The following MAGI2 variants were observed in gnomAD, a reference collection of about 807,000 sequenced individuals.
MAGI2 encodes the protein membrane associated guanylate kinase, WW and PDZ domain containing 2, also known as membrane-associated guanylate kinase, WW and PDZ domain-containing protein 2.
A neutral mutation model predicts 133.3 loss-of-function variants in MAGI2; 35 were observed. The observed-to-expected ratio is 0.26, with a 90% CI of 0.20 to 0.35. MAGI2 has a LOEUF of 0.35. Ranked by LOEUF, MAGI2 falls within the 10% of genes least tolerant of loss-of-function variation. MAGI2 has a pLI of 1.00. For missense variants in MAGI2, 1,636 were observed against 1,863.4 expected, an observed-to-expected ratio of 0.88 and a Z score of 2.25; for synonymous variants, 729 against 710.6, an observed-to-expected ratio of 1.03 and a Z score of -0.41.
chr7:79,101,006 T>C (rs1448624036), intron 1 of MAGI2, among the ~76,000 whole-genome samples: 48 of 152,226 alleles, frequency 3.2e-4, no homozygotes, highest in Non-Finnish European at 1.5e-5. Context: ...TGTCTAACCC[T>C]GCAACCACAG....
chr7:78,022,119 A>C (rs919192694), intron 21 of MAGI2, among the ~76,000 whole-genome samples: 1 of 152,236 alleles, frequency 6.6e-6, no homozygotes, highest in African/African-American at 2.4e-5. Context: ...AAATCCTCAA[A>C]GGCAAATATA....
rs187574336 is a variant in MAGI2, at chr7:79,289,425, T to A, written c.301+163595A>T. On this transcript the variant is annotated intron_variant, in intron 1 of 21. Transcript: ENST00000354212. Reference sequence around the variant, plus strand: ...TGGGTGCTTAATATTTTCTAACACCTTTGAGGGCAAGGTCATGAGATTTAA... The same window carrying A: ...TGGGTGCTTAATATTTTCTAACACCATTGAGGGCAAGGTCATGAGATTTAA... Among the ~76,000 whole-genome samples, 7 of 152,266 alleles carry A rather than the reference T, an allele frequency of 4.6e-5. No individual in the cohort carries two copies. The East Asian group carries it at 1.4e-3, about 29-fold the overall frequency.
intron 2 of MAGI2, among the ~76,000 whole-genome samples, chr7:78,993,090 T>C: frequency 6.6e-6 from 1 of 152,130 alleles, no homozygotes; most frequent in African/African-American, 2.4e-5. Flanking sequence ...CTCATGTACT[T>C]AAAGTGTCTC....
intron 10 of MAGI2, among the ~76,000 whole-genome samples, chr7:78,223,664 C>G (rs1287860748): frequency 6.6e-6 from 1 of 152,086 alleles, no homozygotes. Flanking sequence ...ATTTACCTCA[C>G]CAAAACCATT....
chr7:78,802,087 C>T (rs747431232), intron 2 of MAGI2, among the ~76,000 whole-genome samples: 3 of 152,186 alleles, frequency 2.0e-5, no homozygotes, highest in Non-Finnish European at 2.9e-5. Context: ...TACACAAATG[C>T]TTCCTCCTCT....
chr7:78,323,371 G>A (rs1788214597), intron 9 of MAGI2, among the ~76,000 whole-genome samples: 1 of 152,126 alleles, frequency 6.6e-6, no homozygotes, highest in African/African-American at 2.4e-5. Flanking sequence ...AAAAAGATAT[G>A]GTATGTTTGG....
intron 1 of MAGI2, among the ~76,000 whole-genome samples, chr7:79,248,734 A>T (rs564360850): frequency 2.9e-4 from 44 of 152,196 alleles, no homozygotes; most frequent in Non-Finnish European, 5.1e-4. Context: ...AACTATACAA[A>T]CACATGGAAA....
chr7:78,427,440 C>T (rs919418021), intron 6 of MAGI2, among the ~76,000 whole-genome samples: 3 of 151,880 alleles, frequency 2.0e-5, no homozygotes, highest in East Asian at 1.9e-4. Flanking sequence ...CATACTGATA[C>T]GAGGCAAACT....
At chr7:78,216,485 G>C (rs947225559) in intron 10 of MAGI2, among the ~76,000 whole-genome samples, 4 of 152,296 alleles carry the variant, frequency 2.6e-5, no homozygotes, top group African/African-American at 9.6e-5. Flanking sequence ...ACCCTAGTCT[G>C]TTCCCCATCC....
intron 6 of MAGI2, among the ~76,000 whole-genome samples, chr7:78,381,746 T>C (rs1794941748): frequency 6.6e-6 from 1 of 152,190 alleles, no homozygotes; most frequent in Non-Finnish European, 1.5e-5. Flanking sequence ...TAACACTATA[T>C]TGAGACATCA....
At chr7:79,356,860 CTT>C (rs1842051602) in intron 1 of MAGI2, among the ~76,000 whole-genome samples, 1 of 152,110 alleles carries the variant, frequency 6.6e-6, no homozygotes, top group Non-Finnish European at 1.5e-5. Flanking sequence ...AGAGATTACT[CTT>C]TACATCAATG....
chr7:78,307,987 T>C (rs911930566), intron 9 of MAGI2, among the ~76,000 whole-genome samples: 2 of 152,066 alleles, frequency 1.3e-5, no homozygotes, highest in Admixed American at 6.6e-5. Flanking sequence ...TTGAGAGGCA[T>C]TGGATAAGAG....
chr7:78,336,254 C>T (rs1180092405), intron 9 of MAGI2, among the ~76,000 whole-genome samples: 1 of 152,020 alleles, frequency 6.6e-6, no homozygotes, highest in Non-Finnish European at 1.5e-5. Flanking sequence ...CTTCTAGAAA[C>T]CTGGAATCAG....
chr7:78,421,054 C>T (rs532951843), intron 6 of MAGI2, among the ~76,000 whole-genome samples: 34 of 152,194 alleles, frequency 2.2e-4, no homozygotes, highest in African/African-American at 6.3e-4. Flanking sequence ...GAGTTTTGAA[C>T]GGACTCAAGG....
intron 9 of MAGI2, among the ~76,000 whole-genome samples, chr7:78,299,961 C>T (rs148216818): frequency 6.6e-5 from 10 of 152,208 alleles, no homozygotes; most frequent in African/African-American, 7.2e-5. Flanking sequence ...TTTTCTTTTT[C>T]ATCATGGAAT....
intron 6 of MAGI2, chr7:78,485,829 G>A (rs1792940682): frequency 6.6e-6 from 1 of 151,902 alleles, no homozygotes; most frequent in Admixed American, 6.6e-5. Flanking sequence ...ATCCAGCCCA[G>A]TAACATCCAA....
chr7:79,022,879 A>G lies in MAGI2; in HGVS notation c.302-15673T>C, dbSNP rs370609538. 2.2e-4 allele frequency among the ~76,000 whole-genome samples: 33 copies of G among 152,280 alleles called. No individual in the cohort carries two copies. In the South Asian group the frequency reaches 6.0e-3, roughly 28 times the overall value. ...TCATAGAAAGCCTATGAACCAGAAC[A>G]AGCTCAGGAACAGACAGGTTCACTG... On this transcript the variant is annotated intron_variant, in intron 1 of 21. Transcript: ENST00000354212.
At chr7:78,141,194 T>G (rs1822709711) in intron 16 of MAGI2, among the ~76,000 whole-genome samples, 1 of 152,150 alleles carries the variant, frequency 6.6e-6, no homozygotes, top group Non-Finnish European at 1.5e-5. Context: ...TTGAGAGCTC[T>G]GATGTGATGC....
intron 1 of MAGI2, among the ~76,000 whole-genome samples, chr7:79,311,798 C>G (rs1002706467): frequency 2.0e-5 from 3 of 152,186 alleles, no homozygotes; most frequent in East Asian, 1.9e-4. Context: ...TGTACACTTA[C>G]AGAGCCTTTC....
Sources: gnomAD v4.1 joint callset for allele counts (sites outside exome capture counted in the v4.1 genomes callset) on GRCh38, gnomAD v4.1.1 for gene constraint, MANE v1.5 for transcripts, NCBI Gene and HGNC (gene_info 2026-07-23, HGNC 2026-07-21) for gene names.